Variants in SEL1L2 observed in about 807,000 individuals in gnomAD.
SEL1L2 encodes protein sel-1 homolog 2.
SEL1L2 carries 89 observed loss-of-function variants against 98.8 expected under a neutral mutation model. That is an observed-to-expected ratio of 0.90 (90% CI 0.76 to 1.07). The LOEUF is 1.07. SEL1L2 is among the 50% of genes least tolerant of loss of function. The probability of loss-of-function intolerance (pLI) is 0.00; values close to 1 mark genes in which losing one functional copy is unlikely to be tolerated. For synonymous variants in SEL1L2, 262 were observed against 278.5 expected (o/e 0.94, Z 0.59); for missense variants, 788 against 812.0 (o/e 0.97, Z 0.36).
At chr20:13,952,375 G>A (rs1401837564) in intron 2 of SEL1L2, among the ~76,000 whole-genome samples, 1 of 152,192 alleles carries the variant, frequency 6.6e-6, no homozygotes, top group Non-Finnish European at 1.5e-5. Flanking sequence ...CATGGATAAG[G>A]GTCATGCTAG....
At chr20:13,988,431 C>T (rs2052358995) in intron 1 of SEL1L2, among the ~76,000 whole-genome samples, 1 of 152,112 alleles carries the variant, frequency 6.6e-6, no homozygotes, top group African/African-American at 2.4e-5. Flanking sequence ...ATTATCTCCT[C>T]CTGCACCTCC....
At chr20:13,962,738 G>A (rs1464659724) in intron 1 of SEL1L2, among the ~76,000 whole-genome samples, 1 of 152,134 alleles carries the variant, frequency 6.6e-6, no homozygotes, top group East Asian at 1.9e-4. Flanking sequence ...AAATCATACA[G>A]AATATAGTCC....
chr20:13,916,205 G>A (rs746533263), intron 4 of SEL1L2, among the ~76,000 whole-genome samples: 2 of 152,180 alleles, frequency 1.3e-5, no homozygotes, highest in Non-Finnish European at 2.9e-5. Context: ...TGTGGGTGTG[G>A]AGGAGCCAAA....
intron 18 of SEL1L2, among the ~76,000 whole-genome samples, chr20:13,858,073 CT>C (rs2147754150): frequency 6.6e-6 from 1 of 152,282 alleles, no homozygotes; most frequent in Admixed American, 6.5e-5. Context: ...ATTCTTTCCA[CT>C]GCTTAGGGTG....
rs1391797124 is a variant in SEL1L2 at position 13,956,115 on chromosome 20, T to C, written c.75A>G (p.Glu25=). ...TTCTTTCCTTTTGTCTTTTATTATG[T>C]TCCTCTGCTTTGATAGCTGCAATAC... The part of the protein sequence containing the change: ...GVTIKTIKAE[E]HNKRQKERNV... Residue 25 remains glutamate, a synonymous_variant, in exon 2 of 20, where the codon GAA becomes GAG. Transcript: ENST00000284951. 1.9e-6 allele frequency: 3 copies of C among 1,556,140 alleles called. No individual in the cohort carries two copies. The highest frequency in any genetic ancestry group is 1.7e-6 in the Non-Finnish European group (2 of 1,143,924).
intron 1 of SEL1L2, among the ~76,000 whole-genome samples, chr20:13,958,394 A>G (rs2050636400): frequency 6.6e-6 from 1 of 152,184 alleles, no homozygotes; most frequent in Admixed American, 6.5e-5. Context: ...CGCTACTTAA[A>G]TAAATGTGGT....
At chr20:13,976,989 G>T (rs1174150679) in intron 1 of SEL1L2, among the ~76,000 whole-genome samples, 6 of 152,120 alleles carry the variant, frequency 3.9e-5, no homozygotes, top group Non-Finnish European at 8.8e-5. Context: ...GATACTTAGG[G>T]GAATTAGAAC....
chr20:13,941,018 T>C, intron 2 of SEL1L2, among the ~76,000 whole-genome samples: 1 of 152,184 alleles, frequency 6.6e-6, no homozygotes, highest in East Asian at 1.9e-4. Context: ...ATGGGCAGAC[T>C]TAGGGTATGT....
intron 11 of SEL1L2, 32 bp downstream of exon 11, chr20:13,877,488 A>G (rs971471014): frequency 3.5e-5 from 54 of 1,542,944 alleles, no homozygotes; most frequent in Non-Finnish European, 4.5e-5. Context: ...TTTTTAATAA[A>G]TGAAAACAAT....
intron 1 of SEL1L2, among the ~76,000 whole-genome samples, chr20:13,978,823 C>T (rs1488398003): frequency 6.6e-6 from 1 of 152,136 alleles, no homozygotes; most frequent in South Asian, 2.1e-4. Flanking sequence ...TTGGGAGAGG[C>T]CAAGGCGAGT....
At chr20:13,918,558 T>C (rs2048510289) in intron 4 of SEL1L2, among the ~76,000 whole-genome samples, 1 of 152,206 alleles carries the variant, frequency 6.6e-6, no homozygotes, top group African/African-American at 2.4e-5. Flanking sequence ...GGAGAAAAAT[T>C]AAGCTCTTCT....
intron 1 of SEL1L2, among the ~76,000 whole-genome samples, chr20:13,974,322 A>T (rs992531857): frequency 6.6e-6 from 1 of 152,026 alleles, no homozygotes; most frequent in Middle Eastern, 3.4e-3. Flanking sequence ...TTTCAGTGGG[A>T]GGGTTGGTCC....
upstream of SEL1L2, among the ~76,000 whole-genome samples, chr20:13,990,978 G>A (rs1340209029): frequency 6.6e-6 from 1 of 152,196 alleles, no homozygotes; most frequent in Non-Finnish European, 1.5e-5. Context: ...GTATCTCTAG[G>A]CTATGGCGGA....
intron 1 of SEL1L2, among the ~76,000 whole-genome samples, chr20:13,986,931 C>A (rs1226331688): frequency 6.6e-6 from 1 of 152,142 alleles, no homozygotes; most frequent in East Asian, 1.9e-4. Context: ...CTCCCGGGTT[C>A]AAGCCATTCT....
At chr20:13,870,660 T>G (rs1184724088) in intron 12 of SEL1L2, among the ~76,000 whole-genome samples, 1 of 152,064 alleles carries the variant, frequency 6.6e-6, no homozygotes, top group Non-Finnish European at 1.5e-5. Flanking sequence ...TGGTGGCCCA[T>G]GCCTGTAATC....
chr20:13,954,155 C>A (rs1207436525), intron 2 of SEL1L2, among the ~76,000 whole-genome samples: 1 of 151,718 alleles, frequency 6.6e-6, no homozygotes, highest in Non-Finnish European at 1.5e-5. Flanking sequence ...GAGAGAAAAA[C>A]TATGGAAAGA....
intron 5 of SEL1L2, chr20:13,913,551 C>G: frequency 2.8e-6 from 1 of 363,534 alleles, no homozygotes; most frequent in Non-Finnish European, 4.9e-6. Flanking sequence ...TAGACAGTTT[C>G]ATATTTCTTC....
intron 5 of SEL1L2, among the ~76,000 whole-genome samples, chr20:13,891,746 AAAG>A (rs1418229475): frequency 3.3e-5 from 5 of 152,042 alleles, no homozygotes; most frequent in Admixed American, 6.6e-5. Context: ...TTCAAAAATG[AAAG>A]AAGAATAAAG....
intron 12 of SEL1L2, among the ~76,000 whole-genome samples, chr20:13,875,538 C>G (rs1436310300): frequency 1.3e-5 from 2 of 152,226 alleles, no homozygotes; most frequent in African/African-American, 2.4e-5. Context: ...CTCCAGATCC[C>G]TATTCTCAGT....
Sources: gnomAD v4.1 joint callset for allele counts (sites outside exome capture counted in the v4.1 genomes callset) on GRCh38, gnomAD v4.1.1 for gene constraint, MANE v1.5 for transcripts, NCBI Gene and HGNC (gene_info 2026-07-23, HGNC 2026-07-21) for gene names.